RNF175: variants seen among roughly 807,000 people sequenced by gnomAD.
RNF175 encodes ring finger protein 175.
Under a neutral mutation model 50.0 loss-of-function variants are expected in RNF175, and 38 were observed. The ratio of observed to expected loss-of-function variants is 0.76; its 90% CI spans 0.59 to 1.00. The LOEUF (loss-of-function observed/expected upper bound fraction) is 1.00, where lower values mean the gene tolerates loss of function less well. Ranked by LOEUF, RNF175 falls within the 50% of genes least tolerant of loss-of-function variation. RNF175 has a pLI of 0.00. For missense variants in RNF175, 388 were observed against 409.6 expected (o/e 0.95, Z 0.46); for synonymous variants, 155 against 146.1 (o/e 1.06, Z -0.44).
chr4:153,720,427 T>C, intron 5 of RNF175, 123 bp from the exon 6 acceptor site: 1 of 336,512 alleles, frequency 3.0e-6, no homozygotes, highest in East Asian at 4.0e-5. Flanking sequence ...TTTTCATTTA[T>C]GTGTTTGATT....
At chr4:153,713,440 A>G (rs1737720426) in intron 7 of RNF175, 1 of 152,224 alleles carries the variant, frequency 6.6e-6, no homozygotes, top group African/African-American at 2.4e-5. Flanking sequence ...TTGGGAATAT[A>G]TATTTCCATG....
chr4:153,718,222 G>GTTTT lies in RNF175; in HGVS notation c.630+1961_630+1962insAAAA, dbSNP rs1460898288. Among the ~76,000 whole-genome samples, 95 of 37,524 alleles carry GTTTT rather than the reference G, an allele frequency of 2.5e-3. 23 individuals carry two copies. The highest frequency in any genetic ancestry group is 2.8e-3 in the Non-Finnish European group (40 of 14,138). The allele number at this position is 37,524 out of a possible 152,430, so 24.6% of individuals were successfully genotyped here. A position where few individuals can be genotyped will look rare whatever the true frequency, so the allele number is the denominator to read the frequency against. On this transcript the variant is annotated intron_variant, in intron 6 of 8. Coordinates refer to ENST00000347063, the MANE Select transcript of RNF175 (RefSeq NM_173662.4). ...CTTTCCTAAGGAGTTTTTTTTGTTT[G>GTTTT]TTTGTTTGTTTGTTTGTTTTTTTTT...
intron 3 of RNF175, among the ~76,000 whole-genome samples, chr4:153,745,951 A>T (rs1366967874): frequency 3.3e-5 from 5 of 152,222 alleles, no homozygotes; most frequent in African/African-American, 4.8e-5. Context: ...AAACCACAGC[A>T]TTCTGCTCTG....
At chr4:153,747,017 G>A (rs1740012388) in intron 3 of RNF175, among the ~76,000 whole-genome samples, 1 of 152,174 alleles carries the variant, frequency 6.6e-6, no homozygotes, top group Admixed American at 6.5e-5. Context: ...GTCCTGAGGT[G>A]GCCCTGCTCA....
chr4:153,731,517 G>T (rs1209445296), intron 3 of RNF175, among the ~76,000 whole-genome samples: 1 of 152,114 alleles, frequency 6.6e-6, no homozygotes, highest in Non-Finnish European at 1.5e-5. Context: ...CTGCCCAAAA[G>T]TACCATGGTT....
chr4:153,712,185 A>G (rs1737631504), intron 8 of RNF175, among the ~76,000 whole-genome samples: 1 of 152,088 alleles, frequency 6.6e-6, no homozygotes, highest in African/African-American at 2.4e-5. Context: ...ATTCTTCCAT[A>G]TATTTTACCT....
chr4:153,714,384 A>G (rs1160182103), intron 7 of RNF175: 1 of 152,106 alleles, frequency 6.6e-6, no homozygotes, highest in Admixed American at 6.5e-5. Flanking sequence ...ATTACTTTTG[A>G]GATGCATTTG....
At chr4:153,728,029 A>T (rs1218683856) in intron 4 of RNF175, among the ~76,000 whole-genome samples, 178 bp downstream of exon 4, 1 of 152,258 alleles carries the variant, frequency 6.6e-6, no homozygotes, top group Non-Finnish European at 1.5e-5. Context: ...CTATTAAATA[A>T]TGAAGGCAAA....
chr4:153,729,701 T>C, intron 3 of RNF175: 1 of 985,284 alleles, frequency 1.0e-6, no homozygotes, highest in Non-Finnish European at 1.2e-6. Flanking sequence ...TCCATCCTCA[T>C]AAATGATCTG....
At chr4:153,721,111 C>T (rs1223765385) in intron 5 of RNF175, among the ~76,000 whole-genome samples, 1 of 151,916 alleles carries the variant, frequency 6.6e-6, no homozygotes, top group Non-Finnish European at 1.5e-5. Context: ...TAAGTTAAAT[C>T]ATATTTCAAT....
chr4:153,728,122 C>T (rs867259712), intron 4 of RNF175, 85 bp downstream of exon 4: 2 of 1,059,360 alleles, frequency 1.9e-6, no homozygotes, highest in Non-Finnish European at 1.3e-6. Context: ...CCCCCACTCC[C>T]CAACCCAGGA....
chr4:153,720,512 A>G (rs1738272920), intron 5 of RNF175: 1 of 470,248 alleles, frequency 2.1e-6, no homozygotes, highest in African/African-American at 2.0e-5. Flanking sequence ...CAACTGGACA[A>G]AGGAATTCTT....
In RNF175 at chr4:153,712,556, C is replaced by T. The variant is rs200984268; in HGVS notation, c.785G>A (p.Arg262Gln). The T allele has an allele frequency of 4.1e-5, 66 of 1,612,418 alleles. No individual in the cohort carries two copies. In the African/African-American group the frequency reaches 6.0e-4, roughly 15 times the overall value. ...CNHVFHEFCI[R>Q]GWCIVGKKQT... ...CTTTTTCCCAACGATACACCAACCT[C>T]GGATGCAGAATTCATGAAAGCTGAA... is the stretch of plus-strand genomic sequence containing the variant. Residue 262 changes from arginine (R) to glutamine (Q), a missense_variant, in exon 8 of 9, where the codon CGA (arginine) becomes CAA (glutamine). By Grantham distance (43) the Arg-to-Gln change is conservative. Coordinates refer to ENST00000347063, the MANE Select transcript of RNF175 (RefSeq NM_173662.4).
chr4:153,758,382 T>C (rs999490163), intron 1 of RNF175, among the ~76,000 whole-genome samples: 21 of 152,162 alleles, frequency 1.4e-4, no homozygotes, highest in African/African-American at 5.1e-4. Flanking sequence ...GACCACACTG[T>C]CTTGCCATAT....
At chr4:153,733,475 T>C (rs572259175) in intron 3 of RNF175, among the ~76,000 whole-genome samples, 6 of 152,336 alleles carry the variant, frequency 3.9e-5, no homozygotes. Flanking sequence ...CCTGTGTACA[T>C]ACACAGCAGT....
chr4:153,753,104 C>G (rs1399329967), intron 1 of RNF175, among the ~76,000 whole-genome samples: 1 of 152,146 alleles, frequency 6.6e-6, no homozygotes, highest in Admixed American at 6.5e-5. Flanking sequence ...AACTGACCAG[C>G]AGATGGGCCA....
chr4:153,741,950 G>T (rs534704284), intron 3 of RNF175, among the ~76,000 whole-genome samples: 1 of 152,166 alleles, frequency 6.6e-6, no homozygotes, highest in Non-Finnish European at 1.5e-5. Context: ...CACAAAATCA[G>T]CCCAGGAAAA....
At chr4:153,732,635 T>C (rs1739107179) in intron 3 of RNF175, among the ~76,000 whole-genome samples, 1 of 152,210 alleles carries the variant, frequency 6.6e-6, no homozygotes, top group African/African-American at 2.4e-5. Context: ...GGGCATGTAG[T>C]CATCAGGCCT....
intron 3 of RNF175, among the ~76,000 whole-genome samples, chr4:153,739,925 A>AT (rs1182791331): frequency 3.3e-5 from 5 of 151,896 alleles, no homozygotes; most frequent in African/African-American, 7.3e-5. Context: ...TATTTCAAAT[A>AT]TTTTTTCAGT....
Sources: gnomAD v4.1 joint callset for allele counts (sites outside exome capture counted in the v4.1 genomes callset) on GRCh38, gnomAD v4.1.1 for gene constraint, MANE v1.5 for transcripts, NCBI Gene and HGNC (gene_info 2026-07-23, HGNC 2026-07-21) for gene names.